ZC4H2: variants seen among roughly 807,000 people sequenced by gnomAD.
ZC4H2 encodes the protein zinc finger C4H2 domain-containing protein.
For missense variants in ZC4H2, 137 were observed against 173.9 expected (o/e 0.79, Z 1.19); for synonymous variants, 84 against 66.3 (o/e 1.27, Z -1.30).
intron 1 of ZC4H2, among the ~76,000 whole-genome samples, chrX:65,003,664 T>G (rs1932597882): frequency 9.1e-6 from 1 of 110,051 alleles, no homozygotes; most frequent in Admixed American, 9.7e-5. Flanking sequence ...AATCCCGAGG[T>G]CAGGAGATTG....
chrX:64,939,752 CCTTA>C (rs1930180468), intron 1 of ZC4H2, among the ~76,000 whole-genome samples: 1 of 111,832 alleles, frequency 8.9e-6, no homozygotes, highest in East Asian at 2.8e-4. Context: ...AAACTCGACC[CCTTA>C]CTTACACCTT....
At chrX:64,967,450 G>T (rs1049777578) in intron 1 of ZC4H2, among the ~76,000 whole-genome samples, 2 of 111,882 alleles carry the variant, frequency 1.8e-5, no homozygotes, top group African/African-American at 6.5e-5. Flanking sequence ...GAAGTGCGCT[G>T]GTTCTTGTGG....
intron 1 of ZC4H2, among the ~76,000 whole-genome samples, chrX:64,971,220 T>C (rs1241282468): frequency 8.9e-6 from 1 of 112,531 alleles, no homozygotes; most frequent in Admixed American, 9.4e-5. Context: ...GTGAAGATGT[T>C]TGAGAAATAA....
At chrX:64,946,695 T>C (rs1451531801) in intron 1 of ZC4H2, among the ~76,000 whole-genome samples, 1 of 111,051 alleles carries the variant, frequency 9.0e-6, no homozygotes, top group Non-Finnish European at 1.9e-5. Context: ...GATAGATAAA[T>C]AGATAGATAG....
intron 3 of ZC4H2, chrX:64,919,468 C>T: frequency 6.7e-6 from 2 of 296,975 alleles, no homozygotes; most frequent in Non-Finnish European, 1.2e-5. Context: ...GTATTCAGTC[C>T]TATCTGCTAT....
chrX:64,998,243 C>T lies in ZC4H2; in HGVS notation c.-272+36386G>A, dbSNP rs191302256. The stretch of plus-strand genomic sequence containing the variant: ...GATTGGCAGAATGTATTTACAAACA[C>T]GATTCAATTACATGCTGTCTACAAG... On this transcript the variant is annotated intron_variant, in intron 1 of 4. Coordinates refer to the ZC4H2 transcript ENST00000337990. 3.6e-5 allele frequency among the ~76,000 whole-genome samples: 4 copies of T among 111,827 alleles called. No individual in the cohort carries two copies. In the East Asian group the frequency reaches 8.4e-4, roughly 24 times the overall value.
intron 4 of ZC4H2, 115 bp downstream of exon 4, chrX:64,918,927 G>A: frequency 2.1e-6 from 2 of 945,756 alleles, no homozygotes; most frequent in Non-Finnish European, 2.8e-6. Context: ...CACAAGCAAA[G>A]GCCATTAAAA....
chrX:64,960,007 A>G (rs1222734766), intron 1 of ZC4H2, among the ~76,000 whole-genome samples: 1 of 111,509 alleles, frequency 9.0e-6, no homozygotes, highest in Non-Finnish European at 1.9e-5. Context: ...TAAAAACAGA[A>G]AAAAACTGAC....
chrX:64,937,461 C>A (rs1359009401), intron 1 of ZC4H2, among the ~76,000 whole-genome samples: 2 of 111,581 alleles, frequency 1.8e-5, no homozygotes, highest in Admixed American at 1.9e-4. Flanking sequence ...CAGAACTCTC[C>A]ACTCCAAACC....
chrX:65,013,264 G>A (rs776885263), intron 1 of ZC4H2, among the ~76,000 whole-genome samples: 1 of 111,597 alleles, frequency 9.0e-6, no homozygotes, highest in Admixed American at 9.5e-5. Context: ...CTTTGCCAGG[G>A]ATAGCTATTC....
At chrX:64,972,220 G>C (rs898305482) in intron 1 of ZC4H2, among the ~76,000 whole-genome samples, 1 of 111,603 alleles carries the variant, frequency 9.0e-6, no homozygotes, top group Non-Finnish European at 1.9e-5. Flanking sequence ...ATTGGGATTG[G>C]GAGGAAAGAC....
chrX:64,995,478 G>C lies in ZC4H2; in HGVS notation c.-272+39151C>G, dbSNP rs750687116. Among the ~76,000 whole-genome samples, 3 of 112,122 alleles carry C rather than the reference G, an allele frequency of 2.7e-5. No individual in the cohort carries two copies. In the East Asian group the frequency reaches 8.4e-4, roughly 32 times the overall value. ...GGGCTAAAGTGATCCTCCCACCTCA[G>C]CTTCCCCAGTAGCTGGGACCACAGG... On this transcript the variant is annotated intron_variant, in intron 1 of 4. Transcript: ENST00000337990.
At chrX:64,965,749 A>G (rs1212379334) in intron 1 of ZC4H2, among the ~76,000 whole-genome samples, 1 of 109,737 alleles carries the variant, frequency 9.1e-6, no homozygotes, top group African/African-American at 3.3e-5. Flanking sequence ...CACCCTGGGT[A>G]ACATAGTGAG....
intron 1 of ZC4H2, among the ~76,000 whole-genome samples, chrX:65,004,292 G>A (rs1013483399): frequency 8.1e-5 from 9 of 111,382 alleles, no homozygotes; most frequent in African/African-American, 2.3e-4. Context: ...AGAAAATGTC[G>A]GGCCAATATC....
At chrX:64,980,043 G>A (rs897091133), upstream of ZC4H2, among the ~76,000 whole-genome samples, 1 of 112,043 alleles carries the variant, frequency 8.9e-6, no homozygotes, top group African/African-American at 3.2e-5. Flanking sequence ...CTAAAAGGAG[G>A]CAGAGATGCA....
At chrX:65,012,224 C>CAAAAAAAA (rs10606871) in intron 1 of ZC4H2, among the ~76,000 whole-genome samples, 61 of 24,828 alleles carry the variant, frequency 2.5e-3, no homozygotes, top group Admixed American at 4.3e-3. Context: ...GACCCCGTCT[C>CAAAAAAAA]AAAAAAAAAA....
intron 1 of ZC4H2, among the ~76,000 whole-genome samples, chrX:65,007,871 C>T (rs1474229519): frequency 9.0e-6 from 1 of 111,706 alleles, no homozygotes; most frequent in Non-Finnish European, 1.9e-5. Flanking sequence ...GAAGAAAACA[C>T]TGGATAAACA....
chrX:64,951,828 G>A (rs1258779111), intron 1 of ZC4H2, among the ~76,000 whole-genome samples: 3 of 111,069 alleles, frequency 2.7e-5, no homozygotes, highest in Non-Finnish European at 5.7e-5. Context: ...GTCAATTTTG[G>A]CTTTTGTTGC....
intron 1 of ZC4H2, 74 bp downstream of exon 1, chrX:64,976,251 A>G: frequency 9.0e-7 from 1 of 1,116,818 alleles, no homozygotes; most frequent in Admixed American, 2.2e-5. Flanking sequence ...CAAACAGCCC[A>G]ACAATAGATA....
Sources: gnomAD v4.1 joint callset for allele counts (sites outside exome capture counted in the v4.1 genomes callset) on GRCh38, gnomAD v4.1.1 for gene constraint, MANE v1.5 for transcripts, NCBI Gene and HGNC (gene_info 2026-07-23, HGNC 2026-07-21) for gene names.